Variants in CA10 observed in about 807,000 individuals in gnomAD.
CA10 encodes the protein carbonic anhydrase 10 (inactive).
CA10 carries 14 observed loss-of-function variants against 44.2 expected under a neutral mutation model. The ratio of observed to expected loss-of-function variants is 0.32; its 90% CI spans 0.21 to 0.50. The LOEUF (loss-of-function observed/expected upper bound fraction) is 0.50. Among genes scored for constraint, CA10 ranks in the 20% least tolerant of loss-of-function variants. The pLI, the probability that CA10 is intolerant of heterozygous loss-of-function variation, is 0.99. For missense variants in CA10, 350 were observed against 409.7 expected, an observed-to-expected ratio of 0.85 and a Z score of 1.26; for synonymous variants, 159 against 141.6, an observed-to-expected ratio of 1.12 and a Z score of -0.87.
At chr17:52,029,100 A>C (rs1438434834) in intron 2 of CA10, among the ~76,000 whole-genome samples, 1 of 152,160 alleles carries the variant, frequency 6.6e-6, no homozygotes, top group East Asian at 1.9e-4. Context: ...AACAGTGAAC[A>C]TCTTCAGTTT....
At chr17:52,118,247 A>G (rs549970436) in intron 1 of CA10, among the ~76,000 whole-genome samples, 20 of 152,318 alleles carry the variant, frequency 1.3e-4, no homozygotes, top group African/African-American at 4.3e-4. Flanking sequence ...TTCACGTACT[A>G]GTAAAGGATA....
chr17:51,896,833 T>G (rs932274405), intron 3 of CA10, among the ~76,000 whole-genome samples: 11 of 152,122 alleles, frequency 7.2e-5, no homozygotes, highest in African/African-American at 2.7e-4. Flanking sequence ...CTCTAATGAT[T>G]AGTGATGTTG....
At chr17:51,844,938 G>A (rs2143811222) in intron 3 of CA10, among the ~76,000 whole-genome samples, 1 of 152,288 alleles carries the variant, frequency 6.6e-6, no homozygotes, top group East Asian at 1.9e-4. Flanking sequence ...AGGTCATTAT[G>A]GCTGGCCCTA....
intron 1 of CA10, among the ~76,000 whole-genome samples, chr17:52,136,039 G>C (rs1021287306): frequency 2.6e-5 from 4 of 152,158 alleles, no homozygotes; most frequent in Admixed American, 1.3e-4. Context: ...TAAAACCAAA[G>C]TTAAGTCCTG....
chr17:51,689,056 G>T (rs1018842044), intron 4 of CA10, among the ~76,000 whole-genome samples: 61 of 152,122 alleles, frequency 4.0e-4, no homozygotes, highest in African/African-American at 1.4e-3. Flanking sequence ...TAAAACCTGG[G>T]CGTTTCAGCT....
chr17:51,960,200 T>C (rs557039156), intron 2 of CA10, among the ~76,000 whole-genome samples: 2 of 152,084 alleles, frequency 1.3e-5, no homozygotes, highest in South Asian at 2.1e-4. Flanking sequence ...ATTTGAAAAG[T>C]AGATCAACAG....
intron 2 of CA10, among the ~76,000 whole-genome samples, chr17:52,051,424 A>T (rs570149151): frequency 3.4e-4 from 51 of 151,986 alleles, no homozygotes; most frequent in South Asian, 3.3e-3. Context: ...AATATCCAGC[A>T]TTTATAGATA....
intron 1 of CA10, among the ~76,000 whole-genome samples, chr17:52,111,882 C>T (rs762459162): frequency 3.2e-4 from 48 of 152,110 alleles, no homozygotes; most frequent in Non-Finnish European, 5.0e-4. Context: ...GGTTGAGGAA[C>T]CTGCTCTTTT....
intron 1 of CA10, among the ~76,000 whole-genome samples, chr17:52,078,947 C>T (rs1029838480): frequency 6.6e-6 from 1 of 152,176 alleles, no homozygotes; most frequent in Non-Finnish European, 1.5e-5. Flanking sequence ...TTCATTTCCA[C>T]CTAACCGTAA....
intron 2 of CA10, among the ~76,000 whole-genome samples, chr17:52,031,633 T>C (rs1017036827): frequency 2.6e-5 from 4 of 152,214 alleles, no homozygotes; most frequent in Admixed American, 1.3e-4. Flanking sequence ...CATTTTCTAG[T>C]AGAGTTTCCC....
chr17:51,944,725 A>T (rs1272193850), intron 2 of CA10, among the ~76,000 whole-genome samples: 1 of 152,138 alleles, frequency 6.6e-6, no homozygotes, highest in Admixed American at 6.5e-5. Flanking sequence ...ATCTCTGGAT[A>T]GTGAAATTAC....
intron 2 of CA10, among the ~76,000 whole-genome samples, chr17:52,056,213 C>G (rs2970030): frequency 0.99 from 150,973 of 152,148 alleles, 74,916 homozygotes; most frequent in South Asian, 1. Flanking sequence ...CAAAATGAGA[C>G]TCACTGGTGA....
intron 1 of CA10, among the ~76,000 whole-genome samples, chr17:52,073,898 C>G (rs1019094733): frequency 6.6e-6 from 1 of 152,174 alleles, no homozygotes; most frequent in Admixed American, 6.5e-5. Context: ...CAGGGAAAGA[C>G]AAGGAGATTT....
intron 4 of CA10, among the ~76,000 whole-genome samples, chr17:51,717,035 A>AAAT (rs1468823291): frequency 6.6e-6 from 1 of 152,158 alleles, no homozygotes; most frequent in Admixed American, 6.5e-5. Flanking sequence ...AAATAATAAG[A>AAAT]AATATACATA....
intron 2 of CA10, among the ~76,000 whole-genome samples, chr17:51,934,968 C>T (rs1304872165): frequency 6.6e-6 from 1 of 152,128 alleles, no homozygotes; most frequent in Non-Finnish European, 1.5e-5. Context: ...CCTGTGCCTA[C>T]TGGGGCATGG....
At chr17:51,853,770 C>T (rs1344054269) in intron 3 of CA10, among the ~76,000 whole-genome samples, 1 of 152,134 alleles carries the variant, frequency 6.6e-6, no homozygotes, top group Non-Finnish European at 1.5e-5. Flanking sequence ...AGTGAGTTCT[C>T]ATGAGATCTG....
chr17:51,736,794 T>C (rs1916929145), intron 4 of CA10, among the ~76,000 whole-genome samples: 3 of 152,178 alleles, frequency 2.0e-5, no homozygotes, highest in Admixed American at 2.0e-4. Context: ...CATCTGCATG[T>C]ACAGTAGCTT....
chr17:51,864,373 T>C (rs1248391005), intron 3 of CA10, among the ~76,000 whole-genome samples: 2 of 152,160 alleles, frequency 1.3e-5, no homozygotes, highest in Non-Finnish European at 2.9e-5. Flanking sequence ...ATAATAAAAG[T>C]CAAGACAAGG....
At chr17:51,746,822 T>A (rs1455210556) in intron 4 of CA10, among the ~76,000 whole-genome samples, 1 of 152,206 alleles carries the variant, frequency 6.6e-6, no homozygotes, top group East Asian at 1.9e-4. Flanking sequence ...TTATACATGA[T>A]CTTTAAAAAA....
Sources: gnomAD v4.1 joint callset for allele counts (sites outside exome capture counted in the v4.1 genomes callset) on GRCh38, gnomAD v4.1.1 for gene constraint, MANE v1.5 for transcripts, NCBI Gene and HGNC (gene_info 2026-07-23, HGNC 2026-07-21) for gene names.